The following PCCA variants were observed in gnomAD, a reference collection of about 807,000 sequenced individuals.
PCCA encodes propionyl-CoA carboxylase subunit alpha.
A neutral mutation model predicts 101.3 loss-of-function variants in PCCA; 74 were observed. The observed-to-expected ratio is 0.73, with a 90% CI of 0.61 to 0.89. PCCA has a LOEUF of 0.89. Among genes scored for constraint, PCCA ranks in the 40% least tolerant of loss-of-function variants. The pLI is 0.00. For synonymous variants in PCCA, 294 were observed against 313.6 expected, an observed-to-expected ratio of 0.94 and a Z score of 0.66; for missense variants, 891 against 907.0, an observed-to-expected ratio of 0.98 and a Z score of 0.23.
chr13:100,399,983 G>A (rs570193833), intron 19 of PCCA, among the ~76,000 whole-genome samples: 19 of 152,178 alleles, frequency 1.2e-4, no homozygotes, highest in Non-Finnish European at 2.8e-4. Context: ...TGAGTGGTTT[G>A]TTGCCAAAAG....
At chr13:100,340,825 T>C (rs564458148) in intron 18 of PCCA, among the ~76,000 whole-genome samples, 1 of 152,354 alleles carries the variant, frequency 6.6e-6, no homozygotes, top group Non-Finnish European at 1.5e-5. Context: ...TATGAATGTG[T>C]GTTTACTTGC....
In PCCA at chr13:100,350,630, A is replaced by G. The variant is rs77035898; in HGVS notation, c.1643+10371A>G. Among the ~76,000 whole-genome samples, 588 of 152,336 alleles carry G rather than the reference A, an allele frequency of 3.9e-3. 5 individuals are homozygous for G. The highest frequency in any genetic ancestry group is 0.013 in the African/African-American group (544 of 41,572). On this transcript the variant is annotated intron_variant, in intron 18 of 23. Coordinates refer to ENST00000376285, the MANE Select transcript of PCCA (RefSeq NM_000282.4). ...GCACATTTACATATTTTTGCTTACT[A>G]TTACATTGTAAAATATTTTTATTTT...
At chr13:100,154,310 G>A (rs1432580967) in intron 4 of PCCA, among the ~76,000 whole-genome samples, 1 of 152,194 alleles carries the variant, frequency 6.6e-6, no homozygotes, top group African/African-American at 2.4e-5. Flanking sequence ...ACATTATAGA[G>A]TGAGTAGTCT....
At chr13:100,117,989 T>A (rs373634362) in intron 4 of PCCA, among the ~76,000 whole-genome samples, 2 of 151,530 alleles carry the variant, frequency 1.3e-5, no homozygotes, top group East Asian at 2.0e-4. Context: ...GGTGGCAGGC[T>A]CCTGTGGTCC....
At chr13:100,514,050 G>A (rs2086663275) in intron 21 of PCCA, among the ~76,000 whole-genome samples, 1 of 152,140 alleles carries the variant, frequency 6.6e-6, no homozygotes, top group Non-Finnish European at 1.5e-5. Context: ...TGACAGCAGC[G>A]TGCACTCTCC....
chr13:100,262,338 G>T (rs2062576267), intron 9 of PCCA, among the ~76,000 whole-genome samples: 1 of 151,880 alleles, frequency 6.6e-6, no homozygotes, highest in African/African-American at 2.4e-5. Context: ...AGGTTGCAGT[G>T]AGCTGAGATC....
rs374195486 is a variant in PCCA, at chr13:100,458,769, G to A, written c.1899+9464G>A. On this transcript the variant is annotated intron_variant, in intron 21 of 23. Coordinates refer to ENST00000376285, the MANE Select transcript of PCCA (RefSeq NM_000282.4). ...AATTTGTGCCTTTATGACCCAGGAGGATGGCCTGGGTGTACATACAAGTAC... is the reference window on the plus strand; with the variant it reads ...AATTTGTGCCTTTATGACCCAGGAGAATGGCCTGGGTGTACATACAAGTAC... Among the ~76,000 whole-genome samples, 4 of 152,268 alleles carry A rather than the reference G, an allele frequency of 2.6e-5. No homozygotes were observed. The East Asian group carries it at 5.8e-4, about 22-fold the overall frequency.
At chr13:100,402,869 A>G (rs1339563989) in intron 19 of PCCA, among the ~76,000 whole-genome samples, 1 of 152,244 alleles carries the variant, frequency 6.6e-6, no homozygotes, top group Non-Finnish European at 1.5e-5. Context: ...AAAAAATAGT[A>G]GGACTAAAGT....
chr13:100,307,166 T>C, intron 14 of PCCA, 26 bp from the exon 15 acceptor site: 3 of 1,552,738 alleles, frequency 1.9e-6, no homozygotes, highest in Non-Finnish European at 2.7e-6. Flanking sequence ...ATGAATTACT[T>C]TTCTTTTTTT....
intron 19 of PCCA, among the ~76,000 whole-genome samples, chr13:100,379,897 T>A (rs1026943797): frequency 3.3e-5 from 5 of 152,138 alleles, no homozygotes; most frequent in African/African-American, 1.2e-4. Flanking sequence ...AATCATGTAA[T>A]TCCCAAATTA....
chr13:100,527,794 T>C (rs748791754), intron 23 of PCCA, 42 bp downstream of exon 23: 2 of 1,397,414 alleles, frequency 1.4e-6, no homozygotes, highest in Admixed American at 1.7e-5. Flanking sequence ...GGCCCTGTGA[T>C]GGAGGAACGC....
intron 19 of PCCA, among the ~76,000 whole-genome samples, chr13:100,410,865 A>G (rs1268660566): frequency 6.6e-6 from 1 of 152,050 alleles, no homozygotes; most frequent in Non-Finnish European, 1.5e-5. Context: ...TTTCTATAAT[A>G]TATACTCTTT....
chr13:100,153,929 C>G (rs1029831214), intron 4 of PCCA, among the ~76,000 whole-genome samples: 1 of 152,072 alleles, frequency 6.6e-6, no homozygotes, highest in Non-Finnish European at 1.5e-5. Flanking sequence ...GAATTCTTAG[C>G]TTTCTAAAAG....
At chr13:100,518,488 C>T (rs1197530272) in intron 22 of PCCA, among the ~76,000 whole-genome samples, 1 of 152,174 alleles carries the variant, frequency 6.6e-6, no homozygotes, top group Non-Finnish European at 1.5e-5. Context: ...TGAAGGGCTT[C>T]TGTAGGGTTC....
chr13:100,273,511 A>G (rs1272327376), intron 12 of PCCA, among the ~76,000 whole-genome samples, 165 bp downstream of exon 12: 3 of 152,354 alleles, frequency 2.0e-5, no homozygotes, highest in Admixed American at 2.0e-4. Flanking sequence ...GACGGATAGT[A>G]TCCCTCTAAA....
chr13:100,332,306 A>G (rs2069744134), intron 17 of PCCA, among the ~76,000 whole-genome samples: 2 of 152,140 alleles, frequency 1.3e-5, no homozygotes, highest in Admixed American at 1.3e-4. Context: ...TTTGATCCTA[A>G]CATTTAGTTT....
chr13:100,281,033 C>T (rs2064064111), intron 12 of PCCA, among the ~76,000 whole-genome samples: 1 of 152,138 alleles, frequency 6.6e-6, no homozygotes, highest in Non-Finnish European at 1.5e-5. Context: ...AAAAAAAAAT[C>T]CGCCTCGGTG....
chr13:100,089,790 C>T (rs1411545155), intron 1 of PCCA, among the ~76,000 whole-genome samples: 1 of 152,178 alleles, frequency 6.6e-6, no homozygotes. Flanking sequence ...TACTGTGTAC[C>T]AAATGCATCC....
chr13:100,253,297 T>C (rs1410255451), intron 8 of PCCA, among the ~76,000 whole-genome samples: 1 of 152,138 alleles, frequency 6.6e-6, no homozygotes, highest in Non-Finnish European at 1.5e-5. Context: ...CTCAGACATA[T>C]ATTTAGATGC....
Sources: gnomAD v4.1 joint callset for allele counts (sites outside exome capture counted in the v4.1 genomes callset) on GRCh38, gnomAD v4.1.1 for gene constraint, MANE v1.5 for transcripts, NCBI Gene and HGNC (gene_info 2026-07-23, HGNC 2026-07-21) for gene names.